The following CDH4 variants were observed in gnomAD, a reference collection of about 807,000 sequenced individuals.
CDH4 encodes the protein cadherin 4.
In CDH4, 33 loss-of-function variants were observed where a neutral mutation model predicts 86.0. That is an observed-to-expected ratio of 0.38 (90% CI 0.29 to 0.51). The LOEUF (loss-of-function observed/expected upper bound fraction) is 0.51, where lower values mean the gene tolerates loss of function less well. CDH4 is among the 20% of genes least tolerant of loss of function. CDH4 has a pLI of 0.86. For synonymous variants in CDH4, 555 were observed against 549.4 expected (o/e 1.01, Z -0.14); for missense variants, 1,114 against 1,307.4 (o/e 0.85, Z 2.28).
At chr20:61,329,730 T>G (rs1014878867) in intron 2 of CDH4, among the ~76,000 whole-genome samples, 10 of 152,172 alleles carry the variant, frequency 6.6e-5, no homozygotes, top group African/African-American at 2.4e-4. Flanking sequence ...GTGTAGGACA[T>G]GCAAGTTTGT....
At position 61,814,715 on chromosome 20, in the gene CDH4, C is replaced by T. The variant is rs144761709; in HGVS notation, c.577-29953C>T. Among the ~76,000 whole-genome samples, 11 of 152,320 alleles carry T rather than the reference C, an allele frequency of 7.2e-5. No homozygotes were observed. In the East Asian group the frequency reaches 2.1e-3, roughly 29 times the overall value. ...ATCTCGTCATGCTTCTCCACAGGGG[C>T]GATGAGCACTTGATGGAGTAGCTTC... On this transcript the variant is annotated intron_variant, in intron 4 of 15. Coordinates refer to ENST00000614565, the MANE Select transcript of CDH4 (RefSeq NM_001794.5).
At chr20:61,400,057 C>A (rs1206105806) in intron 2 of CDH4, among the ~76,000 whole-genome samples, 1 of 152,206 alleles carries the variant, frequency 6.6e-6, no homozygotes, top group Non-Finnish European at 1.5e-5. Context: ...CGTTTTGGGA[C>A]AACTCTCCCA....
intron 2 of CDH4, among the ~76,000 whole-genome samples, chr20:61,658,475 C>G (rs901739770): frequency 6.6e-6 from 1 of 152,214 alleles, no homozygotes; most frequent in East Asian, 1.9e-4. Context: ...GTGCTCTGAT[C>G]TATAGGCTCC....
In CDH4 at chr20:61,663,777, C is replaced by G. The variant is rs1055525636; in HGVS notation, c.170-79786C>G. Among the ~76,000 whole-genome samples, 2 of 152,138 alleles carry G rather than the reference C, an allele frequency of 1.3e-5. No homozygotes were observed. The highest frequency in any genetic ancestry group is 3.9e-4 in the East Asian group (2 of 5,178). On this transcript the variant is annotated intron_variant, in intron 2 of 15. Coordinates refer to ENST00000614565, the MANE Select transcript of CDH4 (RefSeq NM_001794.5). This position sits in a 1 kb window ranked among gnomAD's most constrained non-coding sequence, Gnocchi z 5.0. The stretch of plus-strand genomic sequence containing the variant: ...GGGGAAGATCAGGAGCTCCCGGTGT[C>G]CAGGCTGCACAATGTGGGCACCACT...
rs563483532 is a variant in CDH4, at chr20:61,603,482, G to A, written c.170-140081G>A. On this transcript the variant is annotated intron_variant, in intron 2 of 15. Coordinates refer to ENST00000614565, the MANE Select transcript of CDH4 (RefSeq NM_001794.5). ...CGGCTGTTTTGGGAGCCAGGAGAGG[G>A]TTCCTGCTGGAAGGGAGGCAGGGCC... Among the ~76,000 whole-genome samples, 4 of 152,306 alleles carry A rather than the reference G, an allele frequency of 2.6e-5. No homozygotes were observed. In the East Asian group the frequency reaches 7.8e-4, roughly 30 times the overall value.
Position 61,565,363 on chromosome 20 carries a change from A to T in CDH4, c.170-178200A>T, listed in dbSNP as rs62199241. ...TAGTGGTCCTCTTGGTGATGGGGTG[A>T]TGGTGGTGGTGGTCCTCTTGGTGAT... is the stretch of plus-strand genomic sequence containing the variant. On this transcript the variant is annotated intron_variant, in intron 2 of 15. Transcript: ENST00000614565. Among the ~76,000 whole-genome samples, 153 of 15,490 alleles carry T rather than the reference A, an allele frequency of 9.9e-3. 33 individuals are homozygous for T. The highest frequency in any genetic ancestry group is 7.9e-3 in the Non-Finnish European group (72 of 9,160). 10.2% of individuals were successfully genotyped at this position (15,490 alleles called of 152,430 possible).
intron 2 of CDH4, among the ~76,000 whole-genome samples, chr20:61,504,205 G>A (rs554454689): frequency 3.9e-5 from 6 of 152,350 alleles, no homozygotes; most frequent in Admixed American, 1.3e-4. Flanking sequence ...GGCTGGCTCC[G>A]TGGCCGGCCA....
At chr20:61,314,899 CATAAACCTGTTGGCCATTTGT>C (rs1384558863) in intron 2 of CDH4, among the ~76,000 whole-genome samples, 2 of 152,224 alleles carry the variant, frequency 1.3e-5, no homozygotes, top group East Asian at 3.8e-4. Flanking sequence ...AGCACTTTTT[CATAAACCTGTTGGCCATTTGT>C]ATATCTGTGT....
intron 2 of CDH4, chr20:61,718,840 C>G (rs1363916535): frequency 2.1e-6 from 1 of 471,196 alleles, no homozygotes; most frequent in East Asian, 7.0e-5. Flanking sequence ...CGACAGCTGG[C>G]TCTATCTTGG....
intron 4 of CDH4, among the ~76,000 whole-genome samples, chr20:61,809,357 TA>T (rs2146043878): frequency 6.6e-6 from 1 of 152,318 alleles, no homozygotes; most frequent in East Asian, 1.9e-4. Context: ...TCTATGATCT[TA>T]AATGTCGTGG....
chr20:61,700,990 G>A (rs2087769486), intron 2 of CDH4, among the ~76,000 whole-genome samples: 1 of 152,248 alleles, frequency 6.6e-6, no homozygotes, highest in Non-Finnish European at 1.5e-5. Flanking sequence ...GGTGTAAACA[G>A]CAGAGGTGTA....
intron 2 of CDH4, among the ~76,000 whole-genome samples, chr20:61,706,850 C>T (rs1264909167): frequency 6.6e-6 from 1 of 152,224 alleles, no homozygotes; most frequent in Non-Finnish European, 1.5e-5. Flanking sequence ...TCCACATTAG[C>T]CGCATGACCC....
intron 2 of CDH4, among the ~76,000 whole-genome samples, chr20:61,429,802 G>A (rs2085235887): frequency 1.3e-5 from 2 of 152,190 alleles, no homozygotes; most frequent in South Asian, 4.2e-4. Context: ...TGGAAAGATG[G>A]ATAGGTAGAT....
At position 61,902,348 on chromosome 20, in the gene CDH4, CG is replaced by C. The variant is rs1198285148; in HGVS notation, c.1188+7305del. Among the ~76,000 whole-genome samples the C allele has an allele frequency of 6.6e-6, 1 of 152,220 alleles. No individual in the cohort carries two copies. The highest frequency in any genetic ancestry group is 2.4e-5 in the African/African-American group (1 of 41,462). On this transcript the variant is annotated intron_variant, in intron 8 of 15. Coordinates refer to ENST00000614565, the MANE Select transcript of CDH4 (RefSeq NM_001794.5). This position sits in a 1 kb window ranked among gnomAD's most constrained non-coding sequence, Gnocchi z 4.6. ...CTGCCCTTCACCAGCCACGGAGACC[CG>C]GGGTCTATGGGCAGTGCCCTAAATG...
chr20:61,301,324 G>A (rs747503455), intron 2 of CDH4, among the ~76,000 whole-genome samples: 2 of 152,240 alleles, frequency 1.3e-5, no homozygotes, highest in East Asian at 3.8e-4. Context: ...TGGTGCCAGC[G>A]GTGGTGCCCT....
At chr20:61,815,104 G>A (rs1355038170) in intron 4 of CDH4, among the ~76,000 whole-genome samples, 1 of 152,148 alleles carries the variant, frequency 6.6e-6, no homozygotes, top group East Asian at 1.9e-4. Context: ...GTTAACTTGG[G>A]TTCCCTTTAA....
At chr20:61,595,021 C>A (rs1343419378) in intron 2 of CDH4, among the ~76,000 whole-genome samples, 1 of 152,220 alleles carries the variant, frequency 6.6e-6, no homozygotes, top group East Asian at 1.9e-4. Flanking sequence ...CCGTGGGCTC[C>A]ATCCGGGCAC....
rs547784788 is a variant in CDH4, at chr20:61,654,934, G to A, written c.170-88629G>A. Among the ~76,000 whole-genome samples, 584 of 76,840 alleles carry A rather than the reference G, an allele frequency of 7.6e-3. 1 individual carries two copies. The highest frequency in any genetic ancestry group is 0.018 in the African/African-American group (513 of 28,180). 50.4% of individuals were successfully genotyped at this position (76,840 alleles called of 152,430 possible). ...GGACACGGGGGCCTGAGCCAGCCTC[G>A]CTCTGGACAGGGACACGGGGGCCTG... On this transcript the variant is annotated intron_variant, in intron 2 of 15. Coordinates refer to ENST00000614565, the MANE Select transcript of CDH4 (RefSeq NM_001794.5).
chr20:61,613,796 C>T (rs2086704184), intron 2 of CDH4, among the ~76,000 whole-genome samples: 1 of 151,280 alleles, frequency 6.6e-6, no homozygotes, highest in South Asian at 2.1e-4. Flanking sequence ...GCCATCGACT[C>T]TACAGACTTC....
Sources: gnomAD v4.1 joint callset for allele counts (sites outside exome capture counted in the v4.1 genomes callset) on GRCh38, gnomAD v4.1.1 for gene constraint, Gnocchi (gnomAD v3.1) non-coding constraint, MANE v1.5 for transcripts, NCBI Gene and HGNC (gene_info 2026-07-23, HGNC 2026-07-21) for gene names.